The following CENPK variants were observed in gnomAD, a reference collection of about 807,000 sequenced individuals.
CENPK encodes the protein SoxLZ/Sox6-binding protein Solt.
Under a neutral mutation model 40.9 loss-of-function variants are expected in CENPK, and 46 were observed. The ratio of observed to expected loss-of-function variants is 1.13; its 90% CI spans 0.89 to 1.44. CENPK has a LOEUF of 1.44. Ranked by LOEUF, CENPK falls within the 40% of genes most tolerant of loss-of-function variation. The pLI is 0.00. For missense variants in CENPK, 288 were observed against 303.5 expected, an observed-to-expected ratio of 0.95 and a Z score of 0.38; for synonymous variants, 107 against 104.4, an observed-to-expected ratio of 1.02 and a Z score of -0.15.
At chr5:65,554,502 TAG>T (rs1314112699) in intron 3 of CENPK, among the ~76,000 whole-genome samples, 36 of 152,232 alleles carry the variant, frequency 2.4e-4, no homozygotes, top group African/African-American at 8.2e-4. Context: ...CTGCTAAGTA[TAG>T]TCTTTGTACT....
chr5:65,529,454 G>A (rs941277197), intron 6 of CENPK: 12 of 339,386 alleles, frequency 3.5e-5, no homozygotes, highest in African/African-American at 2.4e-4. Flanking sequence ...AAATAATGGT[G>A]TGTTTTCAGT....
At chr5:65,533,672 A>G (rs2150400341) in intron 6 of CENPK, among the ~76,000 whole-genome samples, 1 of 152,294 alleles carries the variant, frequency 6.6e-6, no homozygotes, top group Non-Finnish European at 1.5e-5. Flanking sequence ...TGTAGAATAA[A>G]AGTTTCTCAA....
chr5:65,507,244 T>A, the CENPK span, among the ~76,000 whole-genome samples: 1 of 152,154 alleles, frequency 6.6e-6, no homozygotes, highest in Non-Finnish European at 1.5e-5. Context: ...GGCATTTTTT[T>A]AATCAGTGAA....
intron 6 of CENPK, among the ~76,000 whole-genome samples, chr5:65,535,115 G>T (rs1229634982): frequency 6.6e-6 from 1 of 152,196 alleles, no homozygotes; most frequent in African/African-American, 2.4e-5. Flanking sequence ...TACTCAGGAG[G>T]CTGAAGTAGG....
At chr5:65,556,894 G>A (rs1464463178) in intron 2 of CENPK, among the ~76,000 whole-genome samples, 1 of 152,156 alleles carries the variant, frequency 6.6e-6, no homozygotes, top group African/African-American at 2.4e-5. Context: ...ATTACCTACG[G>A]TATTCAGCCT....
intron 6 of CENPK, chr5:65,541,500 TG>T (rs1411413343): frequency 2.2e-6 from 1 of 453,628 alleles, no homozygotes; most frequent in East Asian, 7.0e-5. Flanking sequence ...GGTGCTACGT[TG>T]TATTGAGTGG....
At chr5:65,511,219 T>A in the CENPK span, among the ~76,000 whole-genome samples, 1 of 151,962 alleles carries the variant, frequency 6.6e-6, no homozygotes, top group Non-Finnish European at 1.5e-5. Flanking sequence ...GTTCATGAGG[T>A]TTAAGGAAAG....
chr5:65,537,485 T>C (rs1747136983), intron 6 of CENPK, among the ~76,000 whole-genome samples: 1 of 152,170 alleles, frequency 6.6e-6, no homozygotes, highest in Non-Finnish European at 1.5e-5. Context: ...TTTTGTATTT[T>C]AGTAGAGACG....
At chr5:65,504,597 G>C in the CENPK span, among the ~76,000 whole-genome samples, 1 of 151,408 alleles carries the variant, frequency 6.6e-6, no homozygotes, top group Admixed American at 6.6e-5. Context: ...AAAAATTGCT[G>C]TTTTTTTTCC....
At chr5:65,551,755 C>T (rs976201713) in intron 4 of CENPK, 119 bp from the exon 5 acceptor site, 59 of 478,796 alleles carry the variant, frequency 1.2e-4, no homozygotes, top group Middle Eastern at 4.1e-4. Flanking sequence ...CTAACTCTCA[C>T]GCTGCTCCAG....
At chr5:65,542,275 A>G (rs1000618402) in intron 6 of CENPK, among the ~76,000 whole-genome samples, 1 of 152,242 alleles carries the variant, frequency 6.6e-6, no homozygotes, top group African/African-American at 2.4e-5. Context: ...TAAAAACTAG[A>G]TATGAGATTA....
At chr5:65,542,596 C>T (rs533561712) in intron 6 of CENPK, among the ~76,000 whole-genome samples, 1 of 151,624 alleles carries the variant, frequency 6.6e-6, no homozygotes, top group African/African-American at 2.4e-5. Flanking sequence ...AGGATTGTGC[C>T]ACTGCATTCC....
In CENPK at chr5:65,518,452, G is replaced by T; in HGVS notation, c.*23C>A. The stretch of plus-strand genomic sequence containing the variant: ...TCCTTGAATGATAAGAATTTTTACT[G>T]TGTGAAAAAAGAAAACATCCTTTTA... On this transcript the variant is annotated 3_prime_UTR_variant, in exon 11 of 11. Coordinates refer to ENST00000396679, the MANE Select transcript of CENPK (RefSeq NM_022145.5). 1.3e-6 allele frequency: 2 copies of T among 1,594,944 alleles called. No homozygotes were observed. Among genetic ancestry groups the T allele is most frequent in the African/African-American group, 1.4e-5 (1 of 73,916 alleles).
rs577792004 is a variant in CENPK at position 65,518,374 on chromosome 5, C to A, written c.*101G>T. On this transcript the variant is annotated 3_prime_UTR_variant, in exon 11 of 11. Coordinates refer to ENST00000396679, the MANE Select transcript of CENPK (RefSeq NM_022145.5). ...TGCAATAAAAGTAAGATGGCCTATG[C>A]GCATTAATTTGCAAATAATGTTTTT... The A allele has an allele frequency of 5.2e-6, 6 of 1,146,114 alleles. No homozygotes were observed. The highest frequency in any genetic ancestry group is 2.0e-4 in the Middle Eastern group (1 of 5,046). The allele number at this position is 1,146,114 out of a possible 1,614,324, so 71.0% of individuals were successfully genotyped here.
At position 65,554,871 on chromosome 5, in the gene CENPK, C is replaced by T. The variant is rs760004670; in HGVS notation, c.37G>A (p.Asp13Asn). The change falls in exon 3 of 11, where the codon GAT becomes AAT. Residue 13 changes from aspartate to asparagine, a missense_variant. By Grantham distance (23) the Asp-to-Asn change is conservative. Transcript: ENST00000396679. Reference protein sequence around the residue: ...QEDLDPDSTTDVGDVTNTEEE... With the variant: ...QEDLDPDSTTNVGDVTNTEEE... ...TCAGTATTTGTAACATCTCCCACAT[C>T]TGTAGTACTATCCGGATCTAGATCC... is the stretch of plus-strand genomic sequence containing the variant. 2 of 1,603,926 alleles carry T rather than the reference C, an allele frequency of 1.2e-6. No individual in the cohort carries two copies. Among genetic ancestry groups the T allele is most frequent in the East Asian group, 4.5e-5 (2 of 44,688 alleles).
chr5:65,549,151 T>C (rs1378233940), intron 5 of CENPK, among the ~76,000 whole-genome samples: 1 of 152,122 alleles, frequency 6.6e-6, no homozygotes, highest in Non-Finnish European at 1.5e-5. Flanking sequence ...TCCTTGTACA[T>C]CACCATCAGA....
chr5:65,524,013 A>G (rs1744219493), intron 9 of CENPK, among the ~76,000 whole-genome samples: 1 of 152,174 alleles, frequency 6.6e-6, no homozygotes, highest in Non-Finnish European at 1.5e-5. Context: ...CTAAACACCC[A>G]GGAATTCTTG....
At chr5:65,504,246 G>T in the CENPK span, among the ~76,000 whole-genome samples, 1 of 151,600 alleles carries the variant, frequency 6.6e-6, no homozygotes, top group Non-Finnish European at 1.5e-5. Flanking sequence ...TACCTGAGGT[G>T]AGGAGTTCGA....
chr5:65,503,110 ATTT>A, the CENPK span, among the ~76,000 whole-genome samples: 6 of 126,842 alleles, frequency 4.7e-5, no homozygotes, highest in Non-Finnish European at 4.9e-5. Flanking sequence ...CCAATGTAAT[ATTT>A]TTTTTTTTTT....
Sources: gnomAD v4.1 joint callset for allele counts (sites outside exome capture counted in the v4.1 genomes callset) on GRCh38, gnomAD v4.1.1 for gene constraint, MANE v1.5 for transcripts, NCBI Gene and HGNC (gene_info 2026-07-23, HGNC 2026-07-21) for gene names.